ARSG: variants seen among roughly 807,000 people sequenced by gnomAD.
The protein encoded by ARSG is ASG.
ARSG carries 37 observed loss-of-function variants against 50.5 expected under a neutral mutation model. The observed-to-expected ratio is 0.73, with a 90% CI of 0.56 to 0.96. ARSG has a LOEUF of 0.96. Among genes scored for constraint, ARSG ranks in the 50% least tolerant of loss-of-function variants. The probability of loss-of-function intolerance (pLI) is 0.00; values close to 1 mark genes in which losing one functional copy is unlikely to be tolerated. For missense variants in ARSG, 629 were observed against 675.3 expected, an observed-to-expected ratio of 0.93 and a Z score of 0.76; for synonymous variants, 225 against 254.6, an observed-to-expected ratio of 0.88 and a Z score of 1.11.
chr17:68,324,446 G>A lies in ARSG; in HGVS notation c.218+16735G>A, dbSNP rs190157760. The stretch of plus-strand genomic sequence containing the variant: ...TGTAACACGATGACCTAGTTAATAC[G>A]ATACCTCCTGCGGACCGGCCCAGCT... On this transcript the variant is annotated intron_variant, in intron 2 of 11. Coordinates refer to ENST00000621439, the MANE Select transcript of ARSG (RefSeq NM_001267727.2). Among the ~76,000 whole-genome samples the A allele has an allele frequency of 3.9e-5, 6 of 152,246 alleles. 1 individual carries two copies. The highest frequency in any genetic ancestry group is 3.9e-4 in the Admixed American group (6 of 15,298).
Position 68,378,518 on chromosome 17 carries a change from C to T in ARSG, c.983-6546C>T, listed in dbSNP as rs935131764. 3.9e-5 allele frequency among the ~76,000 whole-genome samples: 6 copies of T among 152,178 alleles called. No homozygotes were observed. The highest frequency in any genetic ancestry group is 3.9e-4 in the East Asian group (2 of 5,188). ...TGTGCCCTGCAGGGGTGAGGAGAAACGGAACTGGGGCGGGGGCAGAGCAAA... is the reference window on the plus strand; with the variant it reads ...TGTGCCCTGCAGGGGTGAGGAGAAATGGAACTGGGGCGGGGGCAGAGCAAA... On this transcript the variant is annotated intron_variant, in intron 8 of 11. Transcript: ENST00000621439. The surrounding 1 kb of genome is among the most constrained non-coding windows in gnomAD (Gnocchi z 4.4).
downstream of ARSG, chr17:68,426,254 G>GGGGCCCCCCC: frequency 1.2e-6 from 1 of 816,902 alleles, no homozygotes; most frequent in East Asian, 3.5e-5. Flanking sequence ...GGGAGCGGGG[G>GGGGCCCCCCC]CTCAAATAAA....
At chr17:68,431,071 T>C in the ARSG span, among the ~76,000 whole-genome samples, 1 of 152,188 alleles carries the variant, frequency 6.6e-6, no homozygotes, top group Non-Finnish European at 1.5e-5. Flanking sequence ...ATCCTTGTAC[T>C]GTCTGTCCCA....
At chr17:68,358,041 A>T (rs988135902) in intron 6 of ARSG, among the ~76,000 whole-genome samples, 2 of 151,780 alleles carry the variant, frequency 1.3e-5, no homozygotes, top group African/African-American at 4.8e-5. Context: ...TGTCGCTACA[A>T]GCAATACAAA....
intron 1 of ARSG, among the ~76,000 whole-genome samples, chr17:68,302,527 C>G (rs147352386): frequency 6.6e-6 from 1 of 152,312 alleles, no homozygotes; most frequent in African/African-American, 2.4e-5. Context: ...TCAGACACTG[C>G]TCAGCAGATC....
chr17:68,420,837 A>G (rs753094649), downstream of ARSG: 2 of 213,434 alleles, frequency 9.4e-6, no homozygotes, highest in Non-Finnish European at 1.9e-5. Flanking sequence ...CAGACATTCA[A>G]TACATTTTAG....
At chr17:68,409,888 T>A (rs2081923734) in intron 11 of ARSG, among the ~76,000 whole-genome samples, 1 of 149,530 alleles carries the variant, frequency 6.7e-6, no homozygotes, top group South Asian at 2.1e-4. Context: ...GAAGCAATTG[T>A]GAATGGGAGT....
At chr17:68,294,120 C>T (rs564153584) in intron 1 of ARSG, among the ~76,000 whole-genome samples, 1 of 152,214 alleles carries the variant, frequency 6.6e-6, no homozygotes, top group East Asian at 1.9e-4. Context: ...GGCTCAGCTC[C>T]CCTCTTAGCC....
At chr17:68,308,911 T>C (rs1171625668) in intron 2 of ARSG, among the ~76,000 whole-genome samples, 1 of 152,242 alleles carries the variant, frequency 6.6e-6, no homozygotes. Flanking sequence ...GCCCTGCGCC[T>C]GCACTCCTCA....
downstream of ARSG, among the ~76,000 whole-genome samples, chr17:68,424,984 A>AT (rs1478536054): frequency 6.6e-6 from 1 of 152,220 alleles, no homozygotes; most frequent in African/African-American, 2.4e-5. Flanking sequence ...GTTACTCCAG[A>AT]TGGGAGCCTG....
intron 1 of ARSG, among the ~76,000 whole-genome samples, chr17:68,276,385 C>T (rs1189893206): frequency 6.6e-6 from 1 of 152,192 alleles, no homozygotes; most frequent in East Asian, 1.9e-4. Flanking sequence ...TCAGAGATAA[C>T]AGTTCCATGA....
chr17:68,260,641 C>T (rs1555745021), intron 1 of ARSG, among the ~76,000 whole-genome samples: 1 of 152,124 alleles, frequency 6.6e-6, no homozygotes. Context: ...GTGTGCACCA[C>T]CATGCCCCGT....
intron 1 of ARSG, among the ~76,000 whole-genome samples, chr17:68,293,947 A>G (rs576992815): frequency 6.6e-6 from 1 of 152,180 alleles, no homozygotes; most frequent in Non-Finnish European, 1.5e-5. Flanking sequence ...CAAGCGTGAA[A>G]ACCCCTGCTT....
the ARSG span, among the ~76,000 whole-genome samples, chr17:68,431,104 G>A: frequency 1.3e-5 from 2 of 152,174 alleles, no homozygotes; most frequent in East Asian, 3.8e-4. Flanking sequence ...CCGGGCTGGG[G>A]TTTACAAAGA....
downstream of ARSG, among the ~76,000 whole-genome samples, chr17:68,423,482 CAG>C (rs1200731927): frequency 6.6e-6 from 1 of 152,214 alleles, no homozygotes; most frequent in Non-Finnish European, 1.5e-5. The surrounding 1 kb of genome is among the most constrained non-coding windows in gnomAD (Gnocchi z 4.4). Context: ...GCCCTGCACA[CAG>C]GGGCTGCTTG....
chr17:68,329,416 G>A (rs1367811121), intron 2 of ARSG, among the ~76,000 whole-genome samples: 1 of 152,198 alleles, frequency 6.6e-6, no homozygotes, highest in Non-Finnish European at 1.5e-5. Flanking sequence ...GAGGCTGGCA[G>A]TGGAGGGCTG....
At chr17:68,350,500 G>T (rs2078705709) in intron 4 of ARSG, among the ~76,000 whole-genome samples, 1 of 152,118 alleles carries the variant, frequency 6.6e-6, no homozygotes, top group Non-Finnish European at 1.5e-5. Context: ...AAAAGCTTGG[G>T]CTGGGCCGGG....
chr17:68,308,435 G>A (rs955963351), intron 2 of ARSG, among the ~76,000 whole-genome samples: 7 of 151,928 alleles, frequency 4.6e-5, no homozygotes, highest in Admixed American at 2.0e-4. Context: ...TTCTTAAGGC[G>A]GTGCGTCTGG....
chr17:68,315,460 G>A (rs1328188759), intron 2 of ARSG, among the ~76,000 whole-genome samples: 1 of 151,998 alleles, frequency 6.6e-6, no homozygotes, highest in Admixed American at 6.6e-5. Context: ...CCAGGAGGTT[G>A]AGGCCACAGT....
Sources: allele counts gnomAD v4.1 joint callset (sites outside exome capture counted in the v4.1 genomes callset), GRCh38; gene constraint gnomAD v4.1.1; non-coding constraint Gnocchi (gnomAD v3.1); transcripts MANE v1.5; gene names NCBI Gene and HGNC (gene_info 2026-07-23, HGNC 2026-07-21).